Variants in SLIT2 observed in about 807,000 individuals in gnomAD.
SLIT2 encodes slit guidance ligand 2, also known as slit homolog 2 protein.
A neutral mutation model predicts 185.7 loss-of-function variants in SLIT2; 41 were observed. The observed-to-expected ratio is 0.22, with a 90% CI of 0.17 to 0.29. SLIT2 has a LOEUF of 0.29. Among genes scored for constraint, SLIT2 ranks in the 10% least tolerant of loss-of-function variants. The pLI is 1.00. For missense variants in SLIT2, 1,571 were observed against 1,909.0 expected (o/e 0.82, Z 3.30); for synonymous variants, 693 against 680.2 (o/e 1.02, Z -0.29).
At chr4:20,385,389 T>C (rs977967599) in intron 4 of SLIT2, among the ~76,000 whole-genome samples, 2 of 152,144 alleles carry the variant, frequency 1.3e-5, no homozygotes, top group African/African-American at 4.8e-5. Flanking sequence ...CAGTAAATAT[T>C]TGTTAAATGA....
chr4:20,603,614 T>C (rs910851215), intron 33 of SLIT2, among the ~76,000 whole-genome samples: 1 of 152,198 alleles, frequency 6.6e-6, no homozygotes, highest in African/African-American at 2.4e-5. Context: ...GGCAGTTTCT[T>C]TGGAAACACA....
At chr4:20,309,715 C>A (rs1025112446) in intron 4 of SLIT2, among the ~76,000 whole-genome samples, 2 of 150,732 alleles carry the variant, frequency 1.3e-5, no homozygotes, top group African/African-American at 4.9e-5. Flanking sequence ...ACTACTAAAG[C>A]TCCTTCTACT....
At chr4:20,384,351 C>T (rs1724770119) in intron 4 of SLIT2, among the ~76,000 whole-genome samples, 1 of 151,874 alleles carries the variant, frequency 6.6e-6, no homozygotes, top group South Asian at 2.1e-4. Flanking sequence ...AAAACAAATC[C>T]CTGGTTGTCA....
chr4:20,338,443 G>T (rs1720690869), intron 4 of SLIT2, among the ~76,000 whole-genome samples: 1 of 152,052 alleles, frequency 6.6e-6, no homozygotes, highest in African/African-American at 2.4e-5. Flanking sequence ...TTTGAAGCAG[G>T]GTATTCCCAG....
chr4:20,346,288 T>A (rs757236268), intron 4 of SLIT2, among the ~76,000 whole-genome samples: 7 of 152,294 alleles, frequency 4.6e-5, no homozygotes, highest in Non-Finnish European at 1.0e-4. Context: ...GAGCCATCAC[T>A]CCGGGCCACT....
intron 26 of SLIT2, among the ~76,000 whole-genome samples, chr4:20,555,835 C>T (rs892294352): frequency 8.6e-5 from 13 of 151,816 alleles, no homozygotes; most frequent in African/African-American, 2.4e-4. Flanking sequence ...CAAGATCCCC[C>T]TTAATATATT....
intron 4 of SLIT2, among the ~76,000 whole-genome samples, chr4:20,416,900 T>G (rs1727733052): frequency 6.6e-6 from 1 of 152,170 alleles, no homozygotes; most frequent in African/African-American, 2.4e-5. Flanking sequence ...CTGACTTGCC[T>G]TCTATGTTCT....
intron 4 of SLIT2, among the ~76,000 whole-genome samples, chr4:20,463,032 TC>T (rs1309336324): frequency 1.3e-5 from 2 of 151,978 alleles, no homozygotes; most frequent in African/African-American, 4.8e-5. Context: ...CACCTAACAA[TC>T]CTATGAAATA....
At chr4:20,358,416 G>C (rs1258145052) in intron 4 of SLIT2, among the ~76,000 whole-genome samples, 1 of 151,822 alleles carries the variant, frequency 6.6e-6, no homozygotes, top group Non-Finnish European at 1.5e-5. Context: ...ATAGAAGTCT[G>C]TTGTTCTTAC....
chr4:20,502,403 G>A (rs1718823084), intron 9 of SLIT2, among the ~76,000 whole-genome samples: 2 of 152,166 alleles, frequency 1.3e-5, no homozygotes, highest in Admixed American at 6.5e-5. Context: ...ATTTCTGAGT[G>A]CTTGCTCTGC....
intron 5 of SLIT2, among the ~76,000 whole-genome samples, chr4:20,472,589 G>T (rs796435978): frequency 0.079 from 420 of 5,336 alleles, 135 homozygotes; most frequent in African/African-American, 0.13. Flanking sequence ...TCTATATATA[G>T]ATATATATCT....
intron 26 of SLIT2, among the ~76,000 whole-genome samples, chr4:20,565,839 CA>C (rs1442788330): frequency 6.6e-6 from 1 of 151,928 alleles, no homozygotes; most frequent in Non-Finnish European, 1.5e-5. Flanking sequence ...GGATACATTT[CA>C]AGAGTTTTTT....
intron 4 of SLIT2, among the ~76,000 whole-genome samples, chr4:20,392,456 A>G (rs73238781): frequency 6.6e-6 from 1 of 152,074 alleles, no homozygotes; most frequent in Non-Finnish European, 1.5e-5. Context: ...ATTACTGTAC[A>G]CTGCTGTAGA....
chr4:20,265,027 C>G (rs1343469641), intron 3 of SLIT2, among the ~76,000 whole-genome samples: 3 of 151,870 alleles, frequency 2.0e-5, no homozygotes, highest in Non-Finnish European at 4.4e-5. Context: ...TATGTTGGCT[C>G]CCATAAATAA....
chr4:20,414,899 A>G (rs964210569), intron 4 of SLIT2, among the ~76,000 whole-genome samples: 1 of 152,102 alleles, frequency 6.6e-6, no homozygotes, highest in Non-Finnish European at 1.5e-5. Context: ...TCTTGGATGT[A>G]TAGATTTATA....
chr4:20,597,165 A>T (rs907021331), intron 32 of SLIT2, among the ~76,000 whole-genome samples: 3 of 151,424 alleles, frequency 2.0e-5, no homozygotes, highest in African/African-American at 7.3e-5. Context: ...TCCCAGGCTC[A>T]AGCGATTCTC....
chr4:20,569,841 ATGTC>A (rs1208442324), intron 29 of SLIT2, among the ~76,000 whole-genome samples: 5 of 152,092 alleles, frequency 3.3e-5, no homozygotes, highest in Non-Finnish European at 5.9e-5. Context: ...TTCATTTACT[ATGTC>A]TGTTTTCATA....
At chr4:20,534,565 A>G (rs1722103892) in intron 18 of SLIT2, among the ~76,000 whole-genome samples, 1 of 152,198 alleles carries the variant, frequency 6.6e-6, no homozygotes, top group Non-Finnish European at 1.5e-5. Flanking sequence ...GTGGTAGCCT[A>G]AAAATTGGAA....
chr4:20,532,421 A>G (rs1028207772), intron 17 of SLIT2, among the ~76,000 whole-genome samples: 7 of 151,854 alleles, frequency 4.6e-5, no homozygotes, highest in Non-Finnish European at 7.4e-5. Flanking sequence ...CAACTATTGG[A>G]CTTTTTTGCT....
Sources: gnomAD v4.1 joint callset for allele counts (sites outside exome capture counted in the v4.1 genomes callset) on GRCh38, gnomAD v4.1.1 for gene constraint, MANE v1.5 for transcripts, NCBI Gene and HGNC (gene_info 2026-07-23, HGNC 2026-07-21) for gene names.